Variants in ERC1 observed in about 807,000 individuals in gnomAD.
ERC1 encodes RAB6 interacting protein 2.
ERC1 carries 56 observed loss-of-function variants against 132.0 expected under a neutral mutation model. That is an observed-to-expected ratio of 0.42 (90% CI 0.34 to 0.53). The LOEUF (loss-of-function observed/expected upper bound fraction) is 0.53, where lower values mean the gene tolerates loss of function less well. Among genes scored for constraint, ERC1 ranks in the 20% least tolerant of loss-of-function variants. The pLI, the probability that ERC1 is intolerant of heterozygous loss-of-function variation, is 0.03. For synonymous variants in ERC1, 478 were observed against 476.1 expected, an observed-to-expected ratio of 1.00 and a Z score of -0.05; for missense variants, 1,202 against 1,349.9, an observed-to-expected ratio of 0.89 and a Z score of 1.72.
chr12:1,341,069 C>CTTTTTCTTTTTTTT (rs2083806518), intron 15 of ERC1, among the ~76,000 whole-genome samples: 1 of 63,158 alleles, frequency 1.6e-5, no homozygotes, highest in African/African-American at 6.3e-5. Flanking sequence ...TTTTCTTTTT[C>CTTTTTCTTTTTTTT]TTTTTTTTTT....
chr12:1,380,596 G>A (rs11061734), intron 16 of ERC1: 61,968 of 152,130 alleles, frequency 0.41, 13,901 homozygotes, highest in African/African-American at 0.59. Flanking sequence ...AAGTCCTTCC[G>A]GCAGTAGCAC....
At chr12:1,138,955 C>T (rs1450716088) in intron 7 of ERC1, among the ~76,000 whole-genome samples, 3 of 152,128 alleles carry the variant, frequency 2.0e-5, no homozygotes, top group Non-Finnish European at 4.4e-5. Context: ...TCCTCTGAGG[C>T]CCAGTTTCCC....
intron 12 of ERC1, among the ~76,000 whole-genome samples, chr12:1,221,241 AAGTT>A (rs1207445189): frequency 6.6e-6 from 1 of 152,204 alleles, no homozygotes; most frequent in Non-Finnish European, 1.5e-5. Context: ...TCATAGATTA[AAGTT>A]ATCTTGAGAA....
chr12:1,375,807 G>A (rs541169030), intron 16 of ERC1, among the ~76,000 whole-genome samples: 4 of 144,200 alleles, frequency 2.8e-5, no homozygotes, highest in South Asian at 2.2e-4. Flanking sequence ...GTGCGATCTC[G>A]GCTCACTGCA....
chr12:1,092,618 ACT>A (rs1943394864), intron 3 of ERC1, among the ~76,000 whole-genome samples: 2 of 152,166 alleles, frequency 1.3e-5, no homozygotes, highest in South Asian at 4.1e-4. Flanking sequence ...ATGTGATTAA[ACT>A]CTGTTTAAAT....
At chr12:1,349,504 A>G (rs1406135075) in intron 15 of ERC1, among the ~76,000 whole-genome samples, 1 of 151,968 alleles carries the variant, frequency 6.6e-6, no homozygotes, top group Non-Finnish European at 1.5e-5. Context: ...CTCTACTAAA[A>G]AATACAAAAA....
chr12:1,034,428 AT>A (rs1197113203), intron 2 of ERC1, among the ~76,000 whole-genome samples: 4 of 152,080 alleles, frequency 2.6e-5, no homozygotes, highest in African/African-American at 9.6e-5. Flanking sequence ...AAATAAAAAA[AT>A]AAATAAAAAT....
At chr12:1,120,387 G>C (rs528312142) in intron 7 of ERC1, among the ~76,000 whole-genome samples, 1 of 152,188 alleles carries the variant, frequency 6.6e-6, no homozygotes, top group South Asian at 2.1e-4. Flanking sequence ...TGTTTTATTT[G>C]CTCTTCATAG....
chr12:1,127,322 G>A, intron 7 of ERC1, among the ~76,000 whole-genome samples: 1 of 152,102 alleles, frequency 6.6e-6, no homozygotes, highest in East Asian at 1.9e-4. Flanking sequence ...TCCACAAAAG[G>A]ACATGTATAA....
Position 1,004,675 on chromosome 12 carries a change from G to A in ERC1, c.-157+13353G>A, listed in dbSNP as rs1336437902. 2.0e-5 allele frequency among the ~76,000 whole-genome samples: 3 copies of A among 151,850 alleles called. No homozygotes were observed. The East Asian group carries it at 5.8e-4, about 29-fold the overall frequency. On this transcript the variant is annotated intron_variant, in intron 1 of 18. Transcript: ENST00000360905. Reference sequence around the variant, plus strand: ...CCGCCTTGGCCCCCCAAAGTGCTGGGATTACAGGTGTGAGCCACCATGCTC... The same window carrying A: ...CCGCCTTGGCCCCCCAAAGTGCTGGAATTACAGGTGTGAGCCACCATGCTC...
intron 5 of ERC1, among the ~76,000 whole-genome samples, chr12:1,110,611 T>C (rs1682721205): frequency 6.6e-6 from 1 of 152,246 alleles, no homozygotes; most frequent in Non-Finnish European, 1.5e-5. Flanking sequence ...TAAGTTTTCA[T>C]ATCTATTAGT....
intron 15 of ERC1, among the ~76,000 whole-genome samples, chr12:1,304,536 A>G (rs1197112738): frequency 6.6e-6 from 1 of 152,168 alleles, no homozygotes; most frequent in Non-Finnish European, 1.5e-5. Flanking sequence ...TACATGAAAA[A>G]CAGTTGGAAG....
intron 17 of ERC1, among the ~76,000 whole-genome samples, chr12:1,415,920 C>T (rs948044917): frequency 2.0e-5 from 3 of 152,124 alleles, no homozygotes; most frequent in Non-Finnish European, 4.4e-5. Context: ...ACTATAGGTC[C>T]AGCACTTTCA....
rs553241510 is a variant in ERC1 at position 1,357,676 on chromosome 12, T to A, written c.2781-14157T>A. 2.0e-5 allele frequency among the ~76,000 whole-genome samples: 3 copies of A among 152,356 alleles called. No individual in the cohort carries two copies. In the South Asian group the frequency reaches 6.2e-4, roughly 32 times the overall value. On this transcript the variant is annotated intron_variant, in intron 15 of 18. Transcript: ENST00000360905. ...AAGATTGTATTCTGAAATTTTCTGT[T>A]CATATTACATACACTATAAAACATG... is the stretch of plus-strand genomic sequence containing the variant.
intron 8 of ERC1, among the ~76,000 whole-genome samples, chr12:1,151,307 T>C (rs1950815058): frequency 1.3e-5 from 2 of 152,214 alleles, no homozygotes; most frequent in Admixed American, 6.5e-5. Context: ...TATGAATTTA[T>C]TGGGGAAGAG....
chr12:1,148,336 G>A (rs1344476568), intron 8 of ERC1, among the ~76,000 whole-genome samples: 1 of 152,108 alleles, frequency 6.6e-6, no homozygotes. Context: ...AGAAGGTGAA[G>A]GGGAAGCAAG....
At chr12:1,351,294 T>G (rs965774686) in intron 15 of ERC1, among the ~76,000 whole-genome samples, 1 of 152,224 alleles carries the variant, frequency 6.6e-6, no homozygotes, top group African/African-American at 2.4e-5. Context: ...GTTGCCCATG[T>G]TTTTCAAATA....
At chr12:1,101,738 C>T (rs918676570) in intron 3 of ERC1, among the ~76,000 whole-genome samples, 5 of 152,040 alleles carry the variant, frequency 3.3e-5, no homozygotes, top group African/African-American at 4.8e-5. Flanking sequence ...ATGCCTGCCA[C>T]GGTGCGAGAT....
At chr12:1,460,454 A>G (rs1035484943) in intron 18 of ERC1, among the ~76,000 whole-genome samples, 1 of 152,190 alleles carries the variant, frequency 6.6e-6, no homozygotes, top group African/African-American at 2.4e-5. Context: ...AGTTACACCA[A>G]GCTCCACCCA....
Sources: gnomAD v4.1 joint callset for allele counts (sites outside exome capture counted in the v4.1 genomes callset) on GRCh38, gnomAD v4.1.1 for gene constraint, MANE v1.5 for transcripts, NCBI Gene and HGNC (gene_info 2026-07-23, HGNC 2026-07-21) for gene names.